Variants in FGF10 observed in about 807,000 individuals in gnomAD.
FGF10 encodes fibroblast growth factor 10.
FGF10 carries 2 observed loss-of-function variants against 19.8 expected under a neutral mutation model. The ratio of observed to expected loss-of-function variants is 0.10; its 90% confidence interval spans 0.04 to 0.32. FGF10 has a LOEUF of 0.32. FGF10 is among the 10% of genes least tolerant of loss of function. The pLI is 1.00. For synonymous variants in FGF10, 112 were observed against 94.0 expected, an observed-to-expected ratio of 1.19 and a Z score of -1.10; for missense variants, 191 against 246.3, an observed-to-expected ratio of 0.78 and a Z score of 1.50.
chr5:44,374,113 A>G (rs965289235), intron 1 of FGF10, among the ~76,000 whole-genome samples: 4 of 152,146 alleles, frequency 2.6e-5, no homozygotes, highest in African/African-American at 9.7e-5. Flanking sequence ...TAGGGAGACA[A>G]TCTGTTCCTT....
chr5:44,323,942 T>A (rs372409072), intron 1 of FGF10, among the ~76,000 whole-genome samples: 2 of 152,036 alleles, frequency 1.3e-5, no homozygotes, highest in African/African-American at 4.8e-5. Flanking sequence ...CAGGAAACAT[T>A]AAGAGAGTTT....
At position 44,318,242 on chromosome 5, in the gene FGF10, T is replaced by C. The variant is rs111807893; in HGVS notation, c.326-7712A>G. Reference sequence around the variant, plus strand: ...AGCCTGAACGATTACGTTAGAAAAGTCCTGCACAATTCATTTGAATGGTAA... The same window carrying C: ...AGCCTGAACGATTACGTTAGAAAAGCCCTGCACAATTCATTTGAATGGTAA... On this transcript the variant is annotated intron_variant, in intron 1 of 2. Transcript: ENST00000264664. Among the ~76,000 whole-genome samples the C allele has an allele frequency of 2.8e-3, 429 of 152,266 alleles. 1 individual carries two copies. The highest frequency in any genetic ancestry group is 9.7e-3 in the African/African-American group (404 of 41,572).
chr5:44,378,508 T>C (rs1389372354), intron 1 of FGF10, among the ~76,000 whole-genome samples: 1 of 152,164 alleles, frequency 6.6e-6, no homozygotes. Context: ...CTCGGCTCAG[T>C]GCAAGCTCTG....
chr5:44,356,792 T>C, intron 1 of FGF10, among the ~76,000 whole-genome samples: 1 of 151,228 alleles, frequency 6.6e-6, no homozygotes, highest in East Asian at 2.0e-4. Flanking sequence ...ATGGAGGGAG[T>C]GTCCATGAAA....
intron 1 of FGF10, among the ~76,000 whole-genome samples, chr5:44,348,803 C>G (rs1240377170): frequency 6.6e-6 from 1 of 151,498 alleles, no homozygotes; most frequent in East Asian, 1.9e-4. Context: ...TAATTTTTAT[C>G]TGGCAGCTCT....
chr5:44,304,821 A>G lies in FGF10; in HGVS notation c.*174T>C. ...AAGACATGACACAGAACTAATTAAA[A>G]GAACATCATATGTCAGCAGTGAATA... On this transcript the variant is annotated 3_prime_UTR_variant, in exon 3 of 3. Coordinates refer to ENST00000264664, the MANE Select transcript of FGF10 (RefSeq NM_004465.2). 1 of 642,462 alleles carries G rather than the reference A, an allele frequency of 1.6e-6. No homozygotes were observed. Among genetic ancestry groups the G allele is most frequent in the Non-Finnish European group, 2.8e-6 (1 of 360,302 alleles). 39.8% of individuals were successfully genotyped at this position (642,462 alleles called of 1,614,324 possible).
intron 1 of FGF10, among the ~76,000 whole-genome samples, chr5:44,352,488 ACT>A (rs1029863318): frequency 5.3e-5 from 8 of 151,606 alleles, no homozygotes; most frequent in African/African-American, 1.9e-4. Context: ...TGCTGACATA[ACT>A]CTGATTGAGA....
At chr5:44,351,045 C>T (rs1741221838) in intron 1 of FGF10, among the ~76,000 whole-genome samples, 1 of 151,416 alleles carries the variant, frequency 6.6e-6, no homozygotes, top group South Asian at 2.1e-4. Context: ...ACTGCTTACT[C>T]TGGCATTGTT....
chr5:44,388,473 G>A lies in FGF10; in HGVS notation c.210C>T (p.Tyr70=). Residue 70 remains tyrosine (Y), a synonymous_variant, in exon 1 of 3, where the codon TAC becomes TAT. Transcript: ENST00000264664. ...PSSAGRHVRS[Y]NHLQGDVRWR... is the part of the protein sequence containing the mutation. ...AGCGGACATCTCCTTGAAGGTGATT[G>A]TAGCTCCGCACATGCCTTCCCGCGC... The A allele has an allele frequency of 4.3e-6, 7 of 1,614,140 alleles. No homozygotes were observed. The highest frequency in any genetic ancestry group is 5.9e-6 in the Non-Finnish European group (7 of 1,180,030).
intron 1 of FGF10, among the ~76,000 whole-genome samples, chr5:44,314,944 C>T (rs1031408958): frequency 6.6e-6 from 1 of 151,806 alleles, no homozygotes; most frequent in Non-Finnish European, 1.5e-5. Context: ...ACAAGGAAAA[C>T]TAGATGTGAA....
rs146962453 is a variant in FGF10 at position 44,381,185 on chromosome 5, T to G, written c.325+7173A>C. Among the ~76,000 whole-genome samples, 80 of 152,282 alleles carry G rather than the reference T, an allele frequency of 5.3e-4. 1 individual carries two copies. The East Asian group carries it at 0.015, about 29-fold the overall frequency. ...GGGGGCTTATCAGTGGTTTGTCCAC[T>G]TCACTTACAGCAGAGCTTAAAAGAA... On this transcript the variant is annotated intron_variant, in intron 1 of 2. Transcript: ENST00000264664.
chr5:44,383,390 C>A (rs1280001899), intron 1 of FGF10, among the ~76,000 whole-genome samples: 1 of 152,066 alleles, frequency 6.6e-6, no homozygotes, highest in Non-Finnish European at 1.5e-5. Context: ...GCTTCTTCTA[C>A]TTCTTTTTCT....
chr5:44,350,888 G>A (rs921190878), intron 1 of FGF10, among the ~76,000 whole-genome samples: 1 of 151,256 alleles, frequency 6.6e-6, no homozygotes, highest in African/African-American at 2.4e-5. Flanking sequence ...AAGTTTCCAA[G>A]TTCAGAAAAC....
chr5:44,374,213 A>T (rs376825241), intron 1 of FGF10, among the ~76,000 whole-genome samples: 4 of 152,096 alleles, frequency 2.6e-5, no homozygotes, highest in Non-Finnish European at 5.9e-5. Flanking sequence ...TTCCATTTTC[A>T]AAATGCCTTC....
At chr5:44,322,553 A>G (rs1271944554) in intron 1 of FGF10, among the ~76,000 whole-genome samples, 1 of 152,212 alleles carries the variant, frequency 6.6e-6, no homozygotes, top group African/African-American at 2.4e-5. Context: ...TCCATGTTAG[A>G]AAAGGATCAA....
rs1739994332 is a variant in FGF10, at chr5:44,302,799, CAT to C, written c.*2194_*2195del. ...AGTACTATAATGATGACTGTTTACA[CAT>C]AGTCTCTTTAGTAATCTAAATGTCT... On this transcript the variant is annotated 3_prime_UTR_variant, in exon 3 of 3. Coordinates refer to ENST00000264664, the MANE Select transcript of FGF10 (RefSeq NM_004465.2). Among the ~76,000 whole-genome samples, 3 of 152,150 alleles carry C rather than the reference CAT, an allele frequency of 2.0e-5. No individual in the cohort carries two copies. The highest frequency in any genetic ancestry group is 2.0e-4 in the Admixed American group (3 of 15,246).
At chr5:44,337,262 TA>T (rs10708505) in intron 1 of FGF10, among the ~76,000 whole-genome samples, 82,078 of 151,862 alleles carry the variant, frequency 0.54, 24,146 homozygotes, top group Non-Finnish European at 0.67. Flanking sequence ...GAATCCTAGA[TA>T]AAACATTAAT....
chr5:44,368,416 T>A (rs1741668526), intron 1 of FGF10, among the ~76,000 whole-genome samples: 1 of 152,010 alleles, frequency 6.6e-6, no homozygotes, highest in African/African-American at 2.4e-5. Context: ...ACAAATAATT[T>A]CAAACCTCCA....
intron 1 of FGF10, among the ~76,000 whole-genome samples, chr5:44,361,802 T>C (rs1235832520): frequency 1.3e-5 from 2 of 151,682 alleles, no homozygotes; most frequent in African/African-American, 4.8e-5. Context: ...GGTTTGCCTA[T>C]TCAGCAGTTT....
Sources: allele counts gnomAD v4.1 joint callset (sites outside exome capture counted in the v4.1 genomes callset), GRCh38; gene constraint gnomAD v4.1.1; transcripts MANE v1.5; gene names NCBI Gene and HGNC (gene_info 2026-07-23, HGNC 2026-07-21).